Variants in SIN3A observed in about 807,000 individuals in gnomAD.
SIN3A encodes paired amphipathic helix protein Sin3a.
SIN3A carries 14 observed loss-of-function variants against 146.1 expected under a neutral mutation model. That is an observed-to-expected ratio of 0.10 (90% CI 0.06 to 0.15). The LOEUF is 0.15. Among genes scored for constraint, SIN3A ranks in the 10% least tolerant of loss-of-function variants. The pLI, the probability that SIN3A is intolerant of heterozygous loss-of-function variation, is 1.00. For synonymous variants in SIN3A, 572 were observed against 572.0 expected, an observed-to-expected ratio of 1.00 and a Z score of 0.00; for missense variants, 1,028 against 1,576.0, an observed-to-expected ratio of 0.65 and a Z score of 5.89.
Position 75,396,347 on chromosome 15 carries a change from T to C in SIN3A, c.2004A>G (p.Ala668=), listed in dbSNP as rs61751126. ...CTTTATCAGCATATATCCTCTGGAG[T>C]GCTTTTCTATGGATGACTTCTGATG... ...GGTSEVIHRK[A]LQRIYADKAA... is the part of the protein sequence containing the mutation. Residue 668 remains alanine (A), a synonymous_variant, in exon 13 of 21, where the codon GCA becomes GCG. Coordinates refer to ENST00000394947, the MANE Select transcript of SIN3A (RefSeq NM_001145358.2). The C allele has an allele frequency of 0.012, 19,981 of 1,614,060 alleles. 161 individuals carry two copies. The highest frequency in any genetic ancestry group is 0.015 in the Non-Finnish European group (17,639 of 1,179,944).
intron 1 of SIN3A, among the ~76,000 whole-genome samples, chr15:75,436,893 C>T (rs1381375589): frequency 2.0e-5 from 3 of 152,240 alleles, no homozygotes; most frequent in East Asian, 3.9e-4. Context: ...TATTCAGCTA[C>T]ATCTTGAAAA....
Position 75,400,915 on chromosome 15 carries a change from A to G in SIN3A, c.1552T>C (p.Phe518Leu), listed in dbSNP as rs774792797. 6.2e-6 allele frequency: 10 copies of G among 1,613,660 alleles called. No homozygotes were observed. Among genetic ancestry groups the G allele is most frequent in the Non-Finnish European group, 5.9e-6 (7 of 1,179,942 alleles). The stretch of plus-strand genomic sequence containing the variant: ...TCCTTATAGCCCAGAAAGTTTTTAA[A>G]CCAATTAAACAACTCAGGGAATTTC... ...LGKFPELFNWFKNFLGYKESV... is the reference protein window; with the variant it reads ...LGKFPELFNWLKNFLGYKESV... The change falls in exon 11 of 21, where the codon TTT becomes CTT. Residue 518 changes from phenylalanine to leucine, a missense_variant. By Grantham distance (22) the Phe-to-Leu change is conservative (BLOSUM62 0). Around this residue, in one of 9 missense-constraint regions of SIN3A, gnomAD observed 157 missense variants for 284.8 expected, o/e 0.55. Coordinates refer to ENST00000394947, the MANE Select transcript of SIN3A (RefSeq NM_001145358.2).
upstream of SIN3A, among the ~76,000 whole-genome samples, chr15:75,452,130 A>G (rs1053289415): frequency 1.3e-5 from 2 of 152,218 alleles, no homozygotes; most frequent in African/African-American, 4.8e-5. Context: ...GATGTGGGGT[A>G]AAATGTCTGT....
At chr15:75,434,869 A>G (rs1161045661) in intron 1 of SIN3A, among the ~76,000 whole-genome samples, 1 of 150,888 alleles carries the variant, frequency 6.6e-6, no homozygotes, top group Non-Finnish European at 1.5e-5. Context: ...AATCGCTTGA[A>G]CCTGGGAGGC....
Position 75,411,666 on chromosome 15 carries a change from C to T in SIN3A, c.834G>A (p.Pro278=), listed in dbSNP as rs563538009. 8 of 1,613,958 alleles carry T rather than the reference C, an allele frequency of 5.0e-6. No homozygotes were observed. Among genetic ancestry groups the T allele is most frequent in the Admixed American group, 3.3e-5 (2 of 59,988 alleles). ...TCACTGGTGTGTGAGGCTGGACCGG[C>T]GGAGAACGTGGGGATGCATACGGTG... ...PLPPYASPRS[P]PVQPHTPVTI... is the part of the protein sequence containing the mutation. The change falls in exon 6 of 21, where the codon CCG becomes CCA. Residue 278 remains proline (P), a synonymous_variant. Transcript: ENST00000394947.
intron 1 of SIN3A, chr15:75,436,588 A>G (rs1170176862): frequency 6.6e-6 from 1 of 152,232 alleles, no homozygotes; most frequent in Admixed American, 6.5e-5. Context: ...AGCGATGGAT[A>G]GATGGACAGG....
At chr15:75,450,534 A>G (rs991005566) in intron 1 of SIN3A, among the ~76,000 whole-genome samples, 1 of 152,158 alleles carries the variant, frequency 6.6e-6, no homozygotes, top group Non-Finnish European at 1.5e-5. Flanking sequence ...ACGCTCCTAC[A>G]AGAGGACCTT....
chr15:75,410,321 C>G, intron 6 of SIN3A, 35 bp from the exon 7 acceptor site: 1 of 1,604,098 alleles, frequency 6.2e-7, no homozygotes, highest in Non-Finnish European at 8.5e-7. Flanking sequence ...ATCATTTGGG[C>G]TACTGTTTTG....
intron 1 of SIN3A, among the ~76,000 whole-genome samples, chr15:75,431,576 T>C (rs2074014564): frequency 6.6e-6 from 1 of 151,838 alleles, no homozygotes; most frequent in Non-Finnish European, 1.5e-5. Context: ...ACCACTGCTA[T>C]GGAAAGAAGA....
At chr15:75,393,814 T>C (rs2073253505) in intron 14 of SIN3A, among the ~76,000 whole-genome samples, 1 of 151,966 alleles carries the variant, frequency 6.6e-6, no homozygotes, top group Non-Finnish European at 1.5e-5. Flanking sequence ...GTTTATTTAT[T>C]TTATTGATTT....
Position 75,411,695 on chromosome 15 carries a change from G to A in SIN3A, c.805C>T (p.Leu269Phe). The change falls in exon 6 of 21, where the codon CTT becomes TTT. Residue 269 changes from leucine (L) to phenylalanine (F), a missense_variant. Coordinates refer to ENST00000394947, the MANE Select transcript of SIN3A (RefSeq NM_001145358.2). ...GAACGTGGGGATGCATACGGTGGAAGTGGGGGAGTCTGCTGACTGGCCGGA... is the reference window on the plus strand; with the variant it reads ...GAACGTGGGGATGCATACGGTGGAAATGGGGGAGTCTGCTGACTGGCCGGA... ...HTPASQQTPP[L>F]PPYASPRSPP... 1 of 1,613,102 alleles carries A rather than the reference G, an allele frequency of 6.2e-7. No homozygotes were observed.
chr15:75,423,064 T>C (rs1305409969), intron 2 of SIN3A, among the ~76,000 whole-genome samples: 1 of 151,822 alleles, frequency 6.6e-6, no homozygotes, highest in Non-Finnish European at 1.5e-5. Flanking sequence ...TGAGACCACG[T>C]CTCTAAAAAG....
upstream of SIN3A, chr15:75,454,980 G>A (rs942648067): frequency 1.3e-5 from 2 of 152,106 alleles, no homozygotes; most frequent in Non-Finnish European, 2.9e-5. Context: ...AGGGAGTTTG[G>A]AGACCCGGCA....
rs373553236 is a variant in SIN3A, at chr15:75,392,829, G to C, written c.2278-14C>G. On this transcript the variant is annotated splice_polypyrimidine_tract_variant and intron_variant, in intron 14 of 20. Coordinates refer to ENST00000394947, the MANE Select transcript of SIN3A (RefSeq NM_001145358.2). ...CTGCTCTTGCCTCTGATGGGACAGA[G>C]ACACAAAAGTATTCTGTGAGATGTC... 5 of 1,571,224 alleles carry C rather than the reference G, an allele frequency of 3.2e-6. No individual in the cohort carries two copies. Among genetic ancestry groups the C allele is most frequent in the East Asian group, 2.2e-5 (1 of 44,632 alleles).
intron 1 of SIN3A, among the ~76,000 whole-genome samples, chr15:75,440,418 A>G (rs8037317): frequency 1 from 151,770 of 151,774 alleles, 75,883 homozygotes; most frequent in Non-Finnish European, 1. Flanking sequence ...TTTTAGTAGA[A>G]AAGGGGTTTT....
At chr15:75,415,141 G>A (rs2073709193) in intron 3 of SIN3A, 1 of 152,188 alleles carries the variant, frequency 6.6e-6, no homozygotes, top group Admixed American at 6.6e-5. Flanking sequence ...AAAGGAGGTA[G>A]GAAGACCAGG....
intron 15 of SIN3A, among the ~76,000 whole-genome samples, chr15:75,391,601 C>T (rs368242977): frequency 9.4e-4 from 143 of 152,132 alleles, no homozygotes; most frequent in African/African-American, 3.3e-3. Context: ...TGGCTCACAG[C>T]TCAAGTACCT....
At chr15:75,425,697 C>T (rs1472285847) in intron 2 of SIN3A, among the ~76,000 whole-genome samples, 1 of 152,058 alleles carries the variant, frequency 6.6e-6, no homozygotes, top group African/African-American at 2.4e-5. Context: ...GAACTTTTTT[C>T]CTTTTTCAGA....
rs532778441 is a variant in SIN3A, at chr15:75,422,479, G to A, written c.366+168C>T. On this transcript the variant is annotated intron_variant, in intron 3 of 20. Coordinates refer to ENST00000394947, the MANE Select transcript of SIN3A (RefSeq NM_001145358.2). ...ATTCTTCTCTGGATCAGGCACTGAT[G>A]CCAAGATAGGAAACATAAGCAAATT... The A allele has an allele frequency of 7.0e-5, 52 of 740,378 alleles. No homozygotes were observed. In the Admixed American group the frequency reaches 8.6e-4, roughly 12 times the overall value. The allele number at this position is 740,378 out of a possible 1,614,324, so 45.9% of individuals were successfully genotyped here.
Sources: allele counts gnomAD v4.1 joint callset (sites outside exome capture counted in the v4.1 genomes callset), GRCh38; gene constraint gnomAD v4.1.1; regional missense constraint gnomAD v4.1.1; transcripts MANE v1.5; gene names NCBI Gene and HGNC (gene_info 2026-07-23, HGNC 2026-07-21).